RNGTT: variants seen among roughly 807,000 people sequenced by gnomAD.
The protein encoded by RNGTT is RNA guanylyltransferase and 5'-phosphatase.
RNGTT carries 33 observed loss-of-function variants against 79.3 expected under a neutral mutation model. The observed-to-expected ratio is 0.42, with a 90% CI of 0.32 to 0.56. RNGTT has a LOEUF of 0.56. Among genes scored for constraint, RNGTT ranks in the 20% least tolerant of loss-of-function variants. The probability of loss-of-function intolerance (pLI) is 0.17; values close to 1 mark genes in which losing one functional copy is unlikely to be tolerated. For missense variants in RNGTT, 497 were observed against 739.1 expected, an observed-to-expected ratio of 0.67 and a Z score of 3.80; for synonymous variants, 222 against 235.9, an observed-to-expected ratio of 0.94 and a Z score of 0.54.
chr6:88,758,398 T>C (rs2127834454), intron 13 of RNGTT, among the ~76,000 whole-genome samples: 1 of 152,348 alleles, frequency 6.6e-6, no homozygotes, highest in South Asian at 2.1e-4. Context: ...GATAGTCAAG[T>C]ACACAAGGCA....
intron 8 of RNGTT, among the ~76,000 whole-genome samples, chr6:88,862,791 C>A (rs1782055142): frequency 6.6e-6 from 1 of 152,168 alleles, no homozygotes; most frequent in African/African-American, 2.4e-5. Flanking sequence ...ACTGTCTAAC[C>A]ATTTTTTGAC....
intron 14 of RNGTT, among the ~76,000 whole-genome samples, chr6:88,648,552 C>T (rs1468038013): frequency 6.6e-6 from 1 of 152,094 alleles, no homozygotes; most frequent in Non-Finnish European, 1.5e-5. Context: ...ATACAAACCT[C>T]TGCACCTACC....
chr6:88,838,444 G>A (rs149304115), intron 11 of RNGTT, among the ~76,000 whole-genome samples: 66 of 152,040 alleles, frequency 4.3e-4, no homozygotes, highest in African/African-American at 5.8e-4. Flanking sequence ...AAAAATCAAC[G>A]TACTCCTTTG....
intron 2 of RNGTT, among the ~76,000 whole-genome samples, chr6:88,940,734 G>A (rs1012992384): frequency 2.9e-4 from 44 of 152,148 alleles, no homozygotes; most frequent in African/African-American, 1.0e-3. Flanking sequence ...AGATGCAGCA[G>A]TTCTATAATC....
intron 14 of RNGTT, among the ~76,000 whole-genome samples, chr6:88,666,337 G>T (rs991816774): frequency 2.0e-5 from 3 of 152,226 alleles, no homozygotes; most frequent in African/African-American, 7.2e-5. Flanking sequence ...TCTCTAAACA[G>T]CTAGACAGAG....
Position 88,717,800 on chromosome 6 carries a change from A to G in RNGTT, c.1440-39381T>C, listed in dbSNP as rs143620831. Among the ~76,000 whole-genome samples the G allele has an allele frequency of 9.6e-3, 1,464 of 152,208 alleles. 9 individuals are homozygous for G. The highest frequency in any genetic ancestry group is 0.013 in the Non-Finnish European group (907 of 68,010). Reference sequence around the variant, plus strand: ...CTCTAGCTAACCACCACAGAAAAAAACAGCAGCCCACCCCCACCAACCCTG... The same window carrying G: ...CTCTAGCTAACCACCACAGAAAAAAGCAGCAGCCCACCCCCACCAACCCTG... On this transcript the variant is annotated intron_variant, in intron 13 of 15. Coordinates refer to ENST00000369485, the MANE Select transcript of RNGTT (RefSeq NM_003800.5).
intron 14 of RNGTT, among the ~76,000 whole-genome samples, chr6:88,642,086 T>C (rs546126411): frequency 1.6e-4 from 24 of 152,284 alleles, no homozygotes; most frequent in Admixed American, 1.2e-3. Flanking sequence ...CAAAGTACTA[T>C]ATCTTTCTCC....
chr6:88,818,094 A>T (rs1260836078), intron 11 of RNGTT, among the ~76,000 whole-genome samples: 2 of 151,988 alleles, frequency 1.3e-5, no homozygotes, highest in African/African-American at 4.8e-5. Flanking sequence ...TTCTATACAG[A>T]TGTAAGATGA....
chr6:88,654,405 T>C (rs1438306882), intron 14 of RNGTT, among the ~76,000 whole-genome samples: 2 of 152,170 alleles, frequency 1.3e-5, no homozygotes, highest in African/African-American at 4.8e-5. Context: ...TTCTTTCTAA[T>C]TTTTTCATCT....
At chr6:88,957,249 A>T (rs1010503712) in intron 1 of RNGTT, among the ~76,000 whole-genome samples, 49 of 152,298 alleles carry the variant, frequency 3.2e-4, no homozygotes, top group African/African-American at 1.2e-3. Context: ...TATGACAAAC[A>T]CATGACCAAC....
At chr6:88,898,281 T>G (rs1316783707) in intron 6 of RNGTT, among the ~76,000 whole-genome samples, 1 of 152,200 alleles carries the variant, frequency 6.6e-6, no homozygotes, top group Non-Finnish European at 1.5e-5. Flanking sequence ...TTTTGTCCTC[T>G]CCATGAAATC....
At chr6:88,826,818 G>A (rs6901633) in intron 11 of RNGTT, among the ~76,000 whole-genome samples, 1,711 of 62,776 alleles carry the variant, frequency 0.027, 19 homozygotes, top group African/African-American at 0.07. Context: ...ATATATATAT[G>A]TGTGTGTATA....
At chr6:88,919,758 C>T (rs1257025298) in intron 4 of RNGTT, among the ~76,000 whole-genome samples, 1 of 99,872 alleles carries the variant, frequency 1.0e-5, no homozygotes, top group Admixed American at 1.1e-4. Flanking sequence ...TTCTTTTTGC[C>T]CAGGCTGGAG....
intron 8 of RNGTT, among the ~76,000 whole-genome samples, chr6:88,880,987 T>G (rs1341706594): frequency 5.3e-5 from 8 of 152,304 alleles, no homozygotes; most frequent in African/African-American, 1.4e-4. Context: ...CAACTGTAAC[T>G]GTAGTAACAT....
intron 13 of RNGTT, among the ~76,000 whole-genome samples, chr6:88,696,388 A>G (rs945328483): frequency 5.3e-5 from 8 of 152,284 alleles, no homozygotes; most frequent in South Asian, 2.1e-4. Flanking sequence ...GTGAATTTTA[A>G]CAGGGAAATC....
chr6:88,743,135 C>T (rs541375507), intron 13 of RNGTT, among the ~76,000 whole-genome samples: 2 of 152,266 alleles, frequency 1.3e-5, no homozygotes, highest in East Asian at 3.9e-4. Flanking sequence ...TCAAATAAAA[C>T]ACTGTATTGT....
chr6:88,715,885 C>T (rs1028734237), intron 13 of RNGTT, among the ~76,000 whole-genome samples: 3 of 152,168 alleles, frequency 2.0e-5, no homozygotes, highest in Non-Finnish European at 2.9e-5. Flanking sequence ...CTAGGCATTA[C>T]CATTCAGGAC....
chr6:88,807,919 A>T (rs114447897), intron 11 of RNGTT, among the ~76,000 whole-genome samples: 1,803 of 152,282 alleles, frequency 0.012, 31 homozygotes, highest in African/African-American at 0.04. Flanking sequence ...ACTAATATTA[A>T]TAGAAACAAT....
At chr6:88,679,037 T>TC (rs1165094296) in intron 13 of RNGTT, among the ~76,000 whole-genome samples, 1 of 151,944 alleles carries the variant, frequency 6.6e-6, no homozygotes, top group Non-Finnish European at 1.5e-5. Flanking sequence ...GACTAACCCC[T>TC]CTTCCTCCTC....
Sources: gnomAD v4.1 joint callset for allele counts (sites outside exome capture counted in the v4.1 genomes callset) on GRCh38, gnomAD v4.1.1 for gene constraint, MANE v1.5 for transcripts, NCBI Gene and HGNC (gene_info 2026-07-23, HGNC 2026-07-21) for gene names.